The following ASAP1 variants were observed in gnomAD, a reference collection of about 807,000 sequenced individuals.
ASAP1 encodes arf-GAP with SH3 domain, ANK repeat and PH domain-containing protein 1.
ASAP1 carries 43 observed loss-of-function variants against 145.2 expected under a neutral mutation model. The ratio of observed to expected loss-of-function variants is 0.30; its 90% confidence interval spans 0.23 to 0.38. ASAP1 has a LOEUF of 0.38. Among genes scored for constraint, ASAP1 ranks in the 10% least tolerant of loss-of-function variants. ASAP1 has a pLI of 1.00. For synonymous variants in ASAP1, 546 were observed against 515.5 expected, an observed-to-expected ratio of 1.06 and a Z score of -0.80; for missense variants, 1,018 against 1,355.3, an observed-to-expected ratio of 0.75 and a Z score of 3.91.
At chr8:130,158,672 G>A (rs1331887635) in intron 12 of ASAP1, among the ~76,000 whole-genome samples, 1 of 152,168 alleles carries the variant, frequency 6.6e-6, no homozygotes, top group Non-Finnish European at 1.5e-5. Context: ...AGGAAGGCAG[G>A]GTTGAGATGC....
intron 9 of ASAP1, among the ~76,000 whole-genome samples, chr8:130,173,340 G>C (rs1485233914): frequency 1.3e-5 from 2 of 152,162 alleles, no homozygotes; most frequent in African/African-American, 4.8e-5. Flanking sequence ...TTCTCCTTGA[G>C]GGTCACAGTT....
rs528761345 is a variant in ASAP1, at chr8:130,167,140, C to T, written c.909+396G>A. ...GCAACATGGTCAAACTCCATCTCTA[C>T]AAAAAATACAAAAATTATCCAGGCA... On this transcript the variant is annotated intron_variant, in intron 11 of 29. Transcript: ENST00000518721. Among the ~76,000 whole-genome samples the T allele has an allele frequency of 2.0e-3, 308 of 151,970 alleles. 1 individual carries two copies. Among genetic ancestry groups the T allele is most frequent in the Non-Finnish European group, 1.4e-3 (93 of 67,948 alleles).
intron 27 of ASAP1, among the ~76,000 whole-genome samples, chr8:130,067,863 A>G (rs1237729252): frequency 6.6e-6 from 1 of 152,234 alleles, no homozygotes; most frequent in Non-Finnish European, 1.5e-5. Context: ...CTTTCAAAGC[A>G]TCTGATCATC....
intron 24 of ASAP1, among the ~76,000 whole-genome samples, chr8:130,107,359 G>C (rs1277092141): frequency 6.6e-6 from 1 of 151,424 alleles, no homozygotes; most frequent in South Asian, 2.1e-4. Context: ...ATTTTTGTTT[G>C]TATTTTTAGT....
chr8:130,086,722 T>C (rs1011795706), intron 25 of ASAP1, among the ~76,000 whole-genome samples: 2 of 152,164 alleles, frequency 1.3e-5, no homozygotes, highest in Admixed American at 1.3e-4. Context: ...GAAGATAGCT[T>C]GAGCCTGTGA....
At chr8:130,375,635 TC>T (rs977673176) in intron 2 of ASAP1, among the ~76,000 whole-genome samples, 2 of 152,086 alleles carry the variant, frequency 1.3e-5, no homozygotes, top group African/African-American at 4.8e-5. Context: ...GCAAGTGAAG[TC>T]CTACCAGCAA....
chr8:130,258,277 T>C (rs965547092), intron 3 of ASAP1, among the ~76,000 whole-genome samples: 2 of 152,222 alleles, frequency 1.3e-5, no homozygotes, highest in African/African-American at 4.8e-5. Context: ...CCTCCAAGAA[T>C]TCTGCACGTG....
At chr8:130,201,431 G>A (rs1397962615) in intron 5 of ASAP1, among the ~76,000 whole-genome samples, 1 of 152,192 alleles carries the variant, frequency 6.6e-6, no homozygotes, top group African/African-American at 2.4e-5. Context: ...AGGTCTAAGA[G>A]TACCAGGGAA....
chr8:130,142,981 C>T lies in ASAP1; in HGVS notation c.1081-5943G>A, dbSNP rs182357736. Among the ~76,000 whole-genome samples, 395 of 152,186 alleles carry T rather than the reference C, an allele frequency of 2.6e-3. 5 individuals are homozygous for T. Among genetic ancestry groups the T allele is most frequent in the Non-Finnish European group, 3.5e-3 (238 of 68,016 alleles). On this transcript the variant is annotated intron_variant, in intron 13 of 29. Coordinates refer to ENST00000518721, the MANE Select transcript of ASAP1 (RefSeq NM_018482.4). ...GGAGGGCCTGAATTAGAGCTACGTA[C>T]GGTAGTGGTGCTGGTGGCCAGAGGC...
chr8:130,248,884 A>G (rs767286813), intron 3 of ASAP1, among the ~76,000 whole-genome samples: 11 of 152,128 alleles, frequency 7.2e-5, no homozygotes, highest in Non-Finnish European at 1.5e-4. Context: ...TTTTCCCAAG[A>G]GGCCACAAAA....
intron 4 of ASAP1, among the ~76,000 whole-genome samples, chr8:130,222,485 G>C (rs1462870793): frequency 6.6e-6 from 1 of 152,130 alleles, no homozygotes; most frequent in East Asian, 1.9e-4. Context: ...GGTGAAGAAA[G>C]GATTAGATCC....
intron 2 of ASAP1, among the ~76,000 whole-genome samples, chr8:130,360,182 T>G (rs148116385): frequency 2.6e-5 from 4 of 152,158 alleles, no homozygotes; most frequent in Middle Eastern, 3.4e-3. Flanking sequence ...ATACATAAAG[T>G]GGAGTAAATA....
At chr8:130,313,956 A>G (rs1304453739) in intron 3 of ASAP1, among the ~76,000 whole-genome samples, 2 of 152,188 alleles carry the variant, frequency 1.3e-5, no homozygotes, top group Non-Finnish European at 2.9e-5. Flanking sequence ...CTTCCCTCAC[A>G]CACAATTTGC....
intron 3 of ASAP1, among the ~76,000 whole-genome samples, chr8:130,304,827 T>C (rs1586794607): frequency 6.6e-6 from 1 of 152,214 alleles, no homozygotes; most frequent in African/African-American, 2.4e-5. Context: ...TCAGTGCTGC[T>C]TGTCTTTCTC....
At chr8:130,154,409 T>A (rs111583154) in intron 12 of ASAP1, among the ~76,000 whole-genome samples, 4 of 152,182 alleles carry the variant, frequency 2.6e-5, no homozygotes, top group African/African-American at 7.2e-5. Flanking sequence ...CGAGACTGCA[T>A]GTGTGGTAGA....
At position 130,196,528 on chromosome 8, in the gene ASAP1, G is replaced by C. The variant is rs141609637; in HGVS notation, c.406-8345C>G. Among the ~76,000 whole-genome samples the C allele has an allele frequency of 1.3e-3, 197 of 152,346 alleles. 1 individual carries two copies. Among genetic ancestry groups the C allele is most frequent in the Non-Finnish European group, 2.5e-3 (169 of 68,038 alleles). On this transcript the variant is annotated intron_variant, in intron 5 of 29. Transcript: ENST00000518721. The stretch of plus-strand genomic sequence containing the variant: ...CTGGCAGAAAGACAGTCAGTCAGCA[G>C]GGCCTCGTTTTTTCTTGCCTCTGAC...
intron 3 of ASAP1, among the ~76,000 whole-genome samples, chr8:130,281,958 C>T (rs1003909003): frequency 2.6e-5 from 4 of 151,552 alleles, no homozygotes; most frequent in South Asian, 4.2e-4. Flanking sequence ...CCCAGCTACT[C>T]GGGAGACTTG....
Position 130,078,333 on chromosome 8 carries a change from C to T in ASAP1, c.2642+1569G>A, listed in dbSNP as rs144529245. Among the ~76,000 whole-genome samples, 498 of 151,724 alleles carry T rather than the reference C, an allele frequency of 3.3e-3. 2 individuals are homozygous for T. The highest frequency in any genetic ancestry group is 0.011 in the African/African-American group (471 of 41,350). On this transcript the variant is annotated intron_variant, in intron 26 of 29. Transcript: ENST00000518721. ...TTTTTTTGAGACAGGGTCTTGCTGT[C>T]GCCCCGGATGGAGTGCAGAGGTGCG...
chr8:130,065,671 T>A (rs1023845319), intron 27 of ASAP1, among the ~76,000 whole-genome samples: 1 of 152,234 alleles, frequency 6.6e-6, no homozygotes, highest in Admixed American at 6.5e-5. Context: ...AGATCCCTTA[T>A]ACCAAAACAA....
Sources: gnomAD v4.1 joint callset for allele counts (sites outside exome capture counted in the v4.1 genomes callset) on GRCh38, gnomAD v4.1.1 for gene constraint, MANE v1.5 for transcripts, NCBI Gene and HGNC (gene_info 2026-07-23, HGNC 2026-07-21) for gene names.